The following HEPHL1 variants were observed in gnomAD, a reference collection of about 807,000 sequenced individuals.
The protein encoded by HEPHL1 is hephaestin like 1.
HEPHL1 carries 123 observed loss-of-function variants against 122.0 expected under a neutral mutation model. The ratio of observed to expected loss-of-function variants is 1.01; its 90% CI spans 0.87 to 1.17. The LOEUF (loss-of-function observed/expected upper bound fraction) is 1.17. HEPHL1 is among the 50% of genes most tolerant of loss of function. The probability of loss-of-function intolerance (pLI) is 0.00; values close to 1 mark genes in which losing one functional copy is unlikely to be tolerated. For synonymous variants in HEPHL1, 527 were observed against 508.9 expected (o/e 1.04, Z -0.48); for missense variants, 1,452 against 1,430.5 (o/e 1.01, Z -0.24).
Position 94,073,584 on chromosome 11 carries a change from C to G in HEPHL1, c.1504+145C>G, listed in dbSNP as rs539416957. ...ACTTAAACTTTCTGAACCTGATTCT[C>G]TCCTGTCAAATGCAGATAACAATAC... On this transcript the variant is annotated intron_variant, in intron 8 of 19. Coordinates refer to ENST00000315765, the MANE Select transcript of HEPHL1 (RefSeq NM_001098672.2). The G allele has an allele frequency of 7.7e-5, 59 of 764,382 alleles. No individual in the cohort carries two copies. The African/African-American group carries it at 8.4e-4, about 11-fold the overall frequency. The allele number at this position is 764,382 out of a possible 1,614,324, so 47.3% of individuals were successfully genotyped here. A position where few individuals can be genotyped will look rare whatever the true frequency, so the allele number is the denominator to read the frequency against.
chr11:94,039,429 C>A (rs1319429576), intron 1 of HEPHL1, among the ~76,000 whole-genome samples: 1 of 151,506 alleles, frequency 6.6e-6, no homozygotes, highest in Non-Finnish European at 1.5e-5. Context: ...TTTTTTTCAG[C>A]ACCACACCAC....
intron 2 of HEPHL1, 57 bp downstream of exon 2, chr11:94,045,974 T>C (rs1945832576): frequency 6.5e-7 from 1 of 1,538,716 alleles, no homozygotes; most frequent in African/African-American, 1.4e-5. Context: ...GTAAGGTAAC[T>C]GTCAGAGTTA....
At chr11:94,058,699 A>G (rs1464808230) in intron 2 of HEPHL1, among the ~76,000 whole-genome samples, 6 of 151,986 alleles carry the variant, frequency 3.9e-5, no homozygotes, top group Admixed American at 3.9e-4. Context: ...TTAAAAATAA[A>G]TTTTATTGTT....
At chr11:94,051,734 T>C (rs895754451) in intron 2 of HEPHL1, among the ~76,000 whole-genome samples, 1 of 152,106 alleles carries the variant, frequency 6.6e-6, no homozygotes, top group Non-Finnish European at 1.5e-5. Context: ...CCTGGAGAGT[T>C]TGCCCAGTAT....
intron 2 of HEPHL1, among the ~76,000 whole-genome samples, chr11:94,060,411 T>C (rs1518557): frequency 0.96 from 145,297 of 152,016 alleles, 69,795 homozygotes; most frequent in East Asian, 1. Context: ...TAGGCACATG[T>C]TATAAATGAA....
chr11:94,102,784 T>C, intron 14 of HEPHL1, 130 bp from the exon 15 acceptor site: 3 of 588,458 alleles, frequency 5.1e-6, no homozygotes, highest in Non-Finnish European at 8.9e-6. Context: ...AGAACATTTG[T>C]AATGAATGAG....
intron 11 of HEPHL1, among the ~76,000 whole-genome samples, chr11:94,087,172 T>A (rs1946225343): frequency 6.6e-6 from 1 of 152,106 alleles, no homozygotes; most frequent in South Asian, 2.1e-4. Flanking sequence ...TATGAATTAC[T>A]CAAATCAAGA....
chr11:94,021,516 G>A lies in HEPHL1; in HGVS notation c.148G>A (p.Gly50Arg). 1.2e-6 allele frequency: 2 copies of A among 1,609,530 alleles called. No individual in the cohort carries two copies. The highest frequency in any genetic ancestry group is 1.7e-6 in the Non-Finnish European group (2 of 1,178,044). Reference sequence around the variant, plus strand: ...ACCCCAAGGGAAGAATGTTATTACTGGGAAAAGTTTCACAGAAGACAAGTG... The same window carrying A: ...ACCCCAAGGGAAGAATGTTATTACTAGGAAAAGTTTCACAGAAGACAAGTG... ...YVPQGKNVIT[G>R]KSFTEDKLAT... Residue 50 changes from glycine to arginine, a missense_variant, in exon 1 of 20, where the codon GGG (glycine) becomes AGG (arginine). Physicochemically the swap from Gly to Arg is moderately radical, Grantham distance 125. Coordinates refer to ENST00000315765, the MANE Select transcript of HEPHL1 (RefSeq NM_001098672.2).
intron 2 of HEPHL1, 44 bp from the exon 3 acceptor site, chr11:94,063,464 T>C (rs1254391071): frequency 1.4e-6 from 2 of 1,454,216 alleles, no homozygotes. Flanking sequence ...ATCTCTCTGT[T>C]TTAACTATGT....
intron 13 of HEPHL1, among the ~76,000 whole-genome samples, chr11:94,098,707 C>T (rs374236992): frequency 2.6e-5 from 4 of 152,138 alleles, no homozygotes; most frequent in Admixed American, 6.5e-5. Context: ...AGGCTTTGTT[C>T]GTTTCTTTTT....
rs763911151 is a variant in HEPHL1, at chr11:94,093,584, G to A, written c.2378G>A (p.Gly793Glu). The stretch of plus-strand genomic sequence containing the variant: ...GTGGTTTACAGGGAATATACGGATG[G>A]AGAATTTGTGGAGATCAAAGCCCGA... ...KKVVYREYTD[G>E]EFVEIKARPP... is the part of the protein sequence containing the mutation. The change falls in exon 13 of 20, where the codon GGA becomes GAA. Residue 793 changes from glycine to glutamate, a missense_variant. Physicochemically the swap from Gly to Glu is moderately conservative, Grantham distance 98. Coordinates refer to ENST00000315765, the MANE Select transcript of HEPHL1 (RefSeq NM_001098672.2). 8 of 1,613,830 alleles carry A rather than the reference G, an allele frequency of 5.0e-6. No individual in the cohort carries two copies. Among genetic ancestry groups the A allele is most frequent in the Non-Finnish European group, 6.8e-6 (8 of 1,179,854 alleles).
chr11:94,031,885 T>G (rs1004303840), intron 1 of HEPHL1, among the ~76,000 whole-genome samples: 1 of 152,172 alleles, frequency 6.6e-6, no homozygotes, highest in Admixed American at 6.5e-5. Flanking sequence ...AGAGGCTGAG[T>G]ACTGAGGAGA....
At chr11:94,055,689 G>A in intron 2 of HEPHL1, 1 of 384,222 alleles carries the variant, frequency 2.6e-6, no homozygotes. Context: ...CAGGCTGGAA[G>A]ACAATGCACT....
At chr11:94,053,755 G>A (rs911320375) in intron 2 of HEPHL1, among the ~76,000 whole-genome samples, 1 of 152,104 alleles carries the variant, frequency 6.6e-6, no homozygotes, top group Non-Finnish European at 1.5e-5. Flanking sequence ...CAAATATTTA[G>A]ATGATTTCAA....
intron 2 of HEPHL1, chr11:94,055,111 G>T: frequency 5.2e-6 from 1 of 191,780 alleles, no homozygotes; most frequent in Non-Finnish European, 1.1e-5. Context: ...AATATCATCT[G>T]CAGCTTCCAG....
intron 1 of HEPHL1, among the ~76,000 whole-genome samples, chr11:94,025,165 A>G (rs2134401089): frequency 6.6e-6 from 1 of 152,308 alleles, no homozygotes; most frequent in East Asian, 1.9e-4. Flanking sequence ...CCTATGCTTG[A>G]TTATAGGGTT....
In HEPHL1 at chr11:94,064,394, C is replaced by T. The variant is rs751998888; in HGVS notation, c.692C>T (p.Thr231Ile). Residue 231 changes from threonine (T) to isoleucine (I), a missense_variant, in exon 4 of 20, where the codon ACT becomes ATT. By Grantham distance (89) the Thr-to-Ile change is moderately conservative. Coordinates refer to ENST00000315765, the MANE Select transcript of HEPHL1 (RefSeq NM_001098672.2). ...GATCGAGAGTTTGTTATAATGTTTA[C>T]TCTTGTGGATGAGAATCAAAGCTGG... ...DVDREFVIMFTLVDENQSWYL... is the reference protein window; with the variant it reads ...DVDREFVIMFILVDENQSWYL... 2 of 1,613,022 alleles carry T rather than the reference C, an allele frequency of 1.2e-6. No homozygotes were observed. Among genetic ancestry groups the T allele is most frequent in the South Asian group, 2.2e-5 (2 of 91,034 alleles).
intron 2 of HEPHL1, among the ~76,000 whole-genome samples, chr11:94,052,768 A>G (rs1328643383): frequency 6.6e-6 from 1 of 152,140 alleles, no homozygotes; most frequent in African/African-American, 2.4e-5. Context: ...ATATATTGAT[A>G]TATATTGCAT....
intron 6 of HEPHL1, among the ~76,000 whole-genome samples, chr11:94,070,819 T>G (rs1946068765): frequency 6.6e-6 from 1 of 152,104 alleles, no homozygotes; most frequent in South Asian, 2.1e-4. Context: ...CAAACTATAG[T>G]GCAAAGTGCC....
Sources: gnomAD v4.1 joint callset for allele counts (sites outside exome capture counted in the v4.1 genomes callset) on GRCh38, gnomAD v4.1.1 for gene constraint, MANE v1.5 for transcripts, NCBI Gene and HGNC (gene_info 2026-07-23, HGNC 2026-07-21) for gene names.